The following CNTNAP5 variants were observed in gnomAD, a reference collection of about 807,000 sequenced individuals.
CNTNAP5 encodes contactin associated protein family member 5.
CNTNAP5 carries 72 observed loss-of-function variants against 150.2 expected under a neutral mutation model. That is an observed-to-expected ratio of 0.48 (90% CI 0.40 to 0.58). The LOEUF is 0.58. CNTNAP5 is among the 20% of genes least tolerant of loss of function. The pLI is 0.00. For missense variants in CNTNAP5, 1,636 were observed against 1,626.2 expected, an observed-to-expected ratio of 1.01 and a Z score of -0.10; for synonymous variants, 672 against 619.8, an observed-to-expected ratio of 1.08 and a Z score of -1.25.
chr2:124,056,385 G>A (rs751304569), intron 1 of CNTNAP5, among the ~76,000 whole-genome samples: 89 of 152,308 alleles, frequency 5.8e-4, no homozygotes, highest in Middle Eastern at 3.4e-3. Flanking sequence ...AGCACTTTGG[G>A]AGGCCGAGGC....
chr2:124,117,867 T>C (rs1683464810), intron 1 of CNTNAP5, among the ~76,000 whole-genome samples: 1 of 152,152 alleles, frequency 6.6e-6, no homozygotes. Context: ...GAGGATTGCT[T>C]GAGCCCAGGA....
chr2:124,647,900 G>A lies in CNTNAP5; in HGVS notation c.2019G>A (p.Glu673=), dbSNP rs1174657864. Residue 673 remains glutamate, a synonymous_variant, in exon 13 of 24, where the codon GAG becomes GAA. Transcript: ENST00000682447. ...EQLEAVIDGS[E]HCEQEVAYHC... is the part of the protein sequence containing the mutation. ...TGGAGGCCGTGATCGACGGCTCTGA[G>A]CACTGTGAGCAGGAGGTGGCCTACC... The A allele has an allele frequency of 6.2e-7, 1 of 1,610,902 alleles. No homozygotes were observed. Among genetic ancestry groups the A allele is most frequent in the Admixed American group, 1.7e-5 (1 of 59,676 alleles).
At chr2:124,381,539 C>G (rs536374717) in intron 3 of CNTNAP5, among the ~76,000 whole-genome samples, 94 of 152,162 alleles carry the variant, frequency 6.2e-4, no homozygotes, top group Middle Eastern at 3.4e-3. Context: ...ATCACCCCCC[C>G]CTCCAAGACT....
intron 16 of CNTNAP5, among the ~76,000 whole-genome samples, chr2:124,764,905 T>C (rs1418238454): frequency 2.6e-5 from 4 of 152,156 alleles, no homozygotes; most frequent in African/African-American, 4.8e-5. Context: ...GTTGCGATCA[T>C]AGTAACATTA....
chr2:124,173,200 C>T (rs1239783504), intron 1 of CNTNAP5, among the ~76,000 whole-genome samples: 10 of 152,170 alleles, frequency 6.6e-5, no homozygotes, highest in African/African-American at 2.4e-4. Flanking sequence ...CTCACTCCCT[C>T]TCCTTGGGCC....
chr2:124,065,309 T>A (rs963871645), intron 1 of CNTNAP5, among the ~76,000 whole-genome samples: 1 of 152,122 alleles, frequency 6.6e-6, no homozygotes, highest in Non-Finnish European at 1.5e-5. Flanking sequence ...AGATAAACAT[T>A]AAAAAATATA....
intron 4 of CNTNAP5, among the ~76,000 whole-genome samples, chr2:124,429,897 G>A (rs933039112): frequency 1.3e-4 from 20 of 152,156 alleles, no homozygotes; most frequent in African/African-American, 4.6e-4. Flanking sequence ...GCACCTCAAT[G>A]GATCACAGCT....
At chr2:124,214,056 G>T (rs1401125043) in intron 1 of CNTNAP5, among the ~76,000 whole-genome samples, 1 of 152,168 alleles carries the variant, frequency 6.6e-6, no homozygotes, top group Non-Finnish European at 1.5e-5. Context: ...AGATATTGCA[G>T]AGACTCTGAA....
At chr2:124,651,347 A>C (rs921911415) in intron 13 of CNTNAP5, among the ~76,000 whole-genome samples, 1 of 152,246 alleles carries the variant, frequency 6.6e-6, no homozygotes, top group Admixed American at 6.5e-5. Flanking sequence ...AATGGTTAAT[A>C]AATGGATACA....
chr2:124,465,234 C>T (rs530016433), intron 6 of CNTNAP5, among the ~76,000 whole-genome samples: 66 of 152,210 alleles, frequency 4.3e-4, no homozygotes, highest in Admixed American at 9.2e-4. Flanking sequence ...AGGCTTTCTC[C>T]GGGGATTTAT....
intron 13 of CNTNAP5, among the ~76,000 whole-genome samples, chr2:124,718,976 G>A (rs1213221866): frequency 6.6e-6 from 1 of 151,662 alleles, no homozygotes; most frequent in Non-Finnish European, 1.5e-5. Flanking sequence ...AATAAGACCA[G>A]TGCCTAAGTG....
Position 124,821,604 on chromosome 2 carries a change from T to C in CNTNAP5, c.3217+23284T>C, listed in dbSNP as rs72963810. On this transcript the variant is annotated intron_variant, in intron 19 of 23. Transcript: ENST00000682447. ...AATGTACAACTGTTCCAATTACCTA[T>C]TTTTTTTAGCCTTTTTGTAGAATAA... Among the ~76,000 whole-genome samples the C allele has an allele frequency of 4.8e-3, 733 of 151,880 alleles. 9 individuals are homozygous for C. The highest frequency in any genetic ancestry group is 0.017 in the African/African-American group (694 of 41,440).
chr2:124,697,784 T>C (rs922411930), intron 13 of CNTNAP5, among the ~76,000 whole-genome samples: 1 of 152,184 alleles, frequency 6.6e-6, no homozygotes, highest in African/African-American at 2.4e-5. Flanking sequence ...TTACTTTATA[T>C]ATATATTTGC....
intron 13 of CNTNAP5, among the ~76,000 whole-genome samples, chr2:124,657,394 T>C (rs887603386): frequency 2.6e-5 from 4 of 152,046 alleles, no homozygotes; most frequent in African/African-American, 9.7e-5. Flanking sequence ...GATTCCTTCC[T>C]CTTCACCATC....
intron 10 of CNTNAP5, among the ~76,000 whole-genome samples, chr2:124,548,835 C>T (rs1389749395): frequency 6.6e-6 from 1 of 152,152 alleles, no homozygotes; most frequent in Non-Finnish European, 1.5e-5. Flanking sequence ...CACTAAATCT[C>T]TGAAAGGGAT....
At chr2:124,671,108 G>T (rs186872418) in intron 13 of CNTNAP5, among the ~76,000 whole-genome samples, 3 of 152,176 alleles carry the variant, frequency 2.0e-5, no homozygotes, top group Admixed American at 2.0e-4. Flanking sequence ...AGTTTTATCT[G>T]CCTTTCCTCA....
At chr2:124,760,053 C>T (rs945368816) in intron 14 of CNTNAP5, among the ~76,000 whole-genome samples, 1 of 149,508 alleles carries the variant, frequency 6.7e-6, no homozygotes, top group African/African-American at 2.5e-5. Flanking sequence ...AGCATCAGTG[C>T]AGCATTGCAG....
chr2:124,084,886 T>A (rs1350831457), intron 1 of CNTNAP5, among the ~76,000 whole-genome samples: 1 of 151,534 alleles, frequency 6.6e-6, no homozygotes, highest in Admixed American at 6.6e-5. Flanking sequence ...TAGAGATTTT[T>A]TTGGGGATGT....
intron 1 of CNTNAP5, among the ~76,000 whole-genome samples, chr2:124,055,166 C>T (rs1681811921): frequency 6.6e-6 from 1 of 152,230 alleles, no homozygotes; most frequent in Non-Finnish European, 1.5e-5. Context: ...TCATGAGATA[C>T]AGCTGGATGT....
Sources: allele counts gnomAD v4.1 joint callset (sites outside exome capture counted in the v4.1 genomes callset), GRCh38; gene constraint gnomAD v4.1.1; transcripts MANE v1.5; gene names NCBI Gene and HGNC (gene_info 2026-07-23, HGNC 2026-07-21).